GSE1: variants seen among roughly 807,000 people sequenced by gnomAD.
GSE1 encodes genetic suppressor element 1.
In GSE1, 32 loss-of-function variants were observed where a neutral mutation model predicts 112.6. The observed-to-expected ratio is 0.28, with a 90% CI of 0.21 to 0.38. The LOEUF (loss-of-function observed/expected upper bound fraction) is 0.38, where lower values mean the gene tolerates loss of function less well. Ranked by LOEUF, GSE1 falls within the 10% of genes least tolerant of loss-of-function variation. The pLI is 1.00. For synonymous variants in GSE1, 1,115 were observed against 735.6 expected (o/e 1.52, Z -8.35); for missense variants, 2,348 against 1,699.2 (o/e 1.38, Z -6.71).
At chr16:85,508,834 T>C (rs2051632699) in intron 2 of GSE1, among the ~76,000 whole-genome samples, 1 of 152,198 alleles carries the variant, frequency 6.6e-6, no homozygotes, top group African/African-American at 2.4e-5. Context: ...GGTTCGTAAC[T>C]GTGTGCCCAG....
chr16:85,192,919 G>C (rs147424961), intron 1 of GSE1, among the ~76,000 whole-genome samples: 3 of 152,220 alleles, frequency 2.0e-5, no homozygotes, highest in Non-Finnish European at 4.4e-5. Flanking sequence ...AGTGACCCCT[G>C]TTCTTGGTTC....
At chr16:85,252,044 T>A (rs753217192) in intron 1 of GSE1, among the ~76,000 whole-genome samples, 7 of 152,138 alleles carry the variant, frequency 4.6e-5, no homozygotes, top group Non-Finnish European at 8.8e-5. Flanking sequence ...CGCTAATAGA[T>A]GGCAGAGAGA....
intron 2 of GSE1, among the ~76,000 whole-genome samples, chr16:85,402,500 G>C (rs918481752): frequency 6.6e-6 from 1 of 152,254 alleles, no homozygotes; most frequent in South Asian, 2.1e-4. Context: ...GGAGATGGGA[G>C]AGTGGACCCA....
chr16:85,616,451 TG>T (rs1352327051), intron 1 of GSE1, among the ~76,000 whole-genome samples: 1 of 152,154 alleles, frequency 6.6e-6, no homozygotes, highest in African/African-American at 2.4e-5. Flanking sequence ...ATTCCCAGCC[TG>T]GGTTACTCGA....
At chr16:85,394,081 G>T (rs1284442275) in intron 2 of GSE1, among the ~76,000 whole-genome samples, 2 of 152,170 alleles carry the variant, frequency 1.3e-5, no homozygotes, top group Admixed American at 6.5e-5. Context: ...CTCACTGCTG[G>T]CTCCGGGTTG....
At chr16:85,425,307 G>A (rs56850784) in intron 2 of GSE1, among the ~76,000 whole-genome samples, 2,170 of 152,198 alleles carry the variant, frequency 0.014, 55 homozygotes, top group African/African-American at 0.05. Context: ...ATGCACGGGT[G>A]ATGTGAGGTG....
At chr16:85,553,676 C>G (rs75091722), upstream of GSE1, among the ~76,000 whole-genome samples, 1 of 152,090 alleles carries the variant, frequency 6.6e-6, no homozygotes, top group Non-Finnish European at 1.5e-5. Context: ...AGCGCCACCC[C>G]TCCCTTGGCT....
At chr16:85,492,033 C>T (rs2151895461) in intron 2 of GSE1, among the ~76,000 whole-genome samples, 1 of 152,310 alleles carries the variant, frequency 6.6e-6, no homozygotes, top group Middle Eastern at 3.4e-3. Context: ...TGCTGGGAAG[C>T]TGACCCCTGG....
intron 2 of GSE1, among the ~76,000 whole-genome samples, chr16:85,448,028 G>A (rs1274863373): frequency 1.3e-5 from 2 of 152,172 alleles, no homozygotes; most frequent in African/African-American, 4.8e-5. Flanking sequence ...GAGCTGGGAA[G>A]GAAGCGTAGG....
At chr16:85,366,468 A>G (rs1164794713) in intron 2 of GSE1, among the ~76,000 whole-genome samples, 1 of 152,222 alleles carries the variant, frequency 6.6e-6, no homozygotes, top group African/African-American at 2.4e-5. Flanking sequence ...AACTTCTTGT[A>G]ATGCCGGGAG....
chr16:85,586,155 C>G (rs901067685), intron 1 of GSE1, among the ~76,000 whole-genome samples: 3 of 152,234 alleles, frequency 2.0e-5, no homozygotes, highest in African/African-American at 7.2e-5. Context: ...CAGATTTCCC[C>G]TTGTTAGAAG....
Position 85,396,785 on chromosome 16 carries a change from T to A in GSE1, c.2464+39142T>A, listed in dbSNP as rs1023348537. 2.0e-5 allele frequency among the ~76,000 whole-genome samples: 3 copies of A among 152,280 alleles called. No individual in the cohort carries two copies. In the South Asian group the frequency reaches 6.2e-4, roughly 32 times the overall value. On this transcript the variant is annotated intron_variant, in intron 2 of 2. Coordinates refer to the GSE1 transcript ENST00000637419. ...GAGGGTGGCGGCAGGGGAGGCTGTC[T>A]GGGAAGCGCAGGTCAGGGCCATGGG...
At chr16:85,189,506 T>A (rs1049225443) in intron 1 of GSE1, among the ~76,000 whole-genome samples, 4 of 152,188 alleles carry the variant, frequency 2.6e-5, no homozygotes, top group Non-Finnish European at 5.9e-5. Flanking sequence ...AATGGGAGGT[T>A]AGGGAAAAAC....
At chr16:85,448,630 T>C (rs534335833) in intron 2 of GSE1, among the ~76,000 whole-genome samples, 1 of 152,318 alleles carries the variant, frequency 6.6e-6, no homozygotes, top group Admixed American at 6.5e-5. Context: ...CCTGCACGCT[T>C]ATCTGGCGCC....
chr16:85,554,909 G>C, upstream of GSE1: 1 of 985,416 alleles, frequency 1.0e-6, no homozygotes, highest in Non-Finnish European at 1.2e-6. Flanking sequence ...GGAGCGAAGG[G>C]GAGCACCCTG....
At chr16:85,335,171 C>G (rs566914945) in intron 1 of GSE1, among the ~76,000 whole-genome samples, 8 of 152,246 alleles carry the variant, frequency 5.3e-5, no homozygotes, top group Non-Finnish European at 8.8e-5. Context: ...AGCCAGGGAA[C>G]CTCGGAGGGT....
At chr16:85,216,636 T>C (rs57341914) in intron 1 of GSE1, among the ~76,000 whole-genome samples, 1 of 152,094 alleles carries the variant, frequency 6.6e-6, no homozygotes, top group Non-Finnish European at 1.5e-5. Flanking sequence ...AGATGAGAAA[T>C]TGAGGCACAG....
At chr16:85,239,371 G>GTATTGA (rs1904987707) in intron 1 of GSE1, among the ~76,000 whole-genome samples, 3 of 152,242 alleles carry the variant, frequency 2.0e-5, no homozygotes, top group African/African-American at 7.2e-5. Flanking sequence ...TGTGAGGCAG[G>GTATTGA]GCATGTGAGC....
intron 2 of GSE1, among the ~76,000 whole-genome samples, chr16:85,389,225 C>T (rs1309978121): frequency 6.6e-6 from 1 of 152,042 alleles, no homozygotes; most frequent in Non-Finnish European, 1.5e-5. Flanking sequence ...TTTGGGAGGC[C>T]AAGGCGGGTG....
Sources: gnomAD v4.1 joint callset for allele counts (sites outside exome capture counted in the v4.1 genomes callset) on GRCh38, gnomAD v4.1.1 for gene constraint, MANE v1.5 for transcripts, NCBI Gene and HGNC (gene_info 2026-07-23, HGNC 2026-07-21) for gene names.